The following PTK2 variants were observed in gnomAD, a reference collection of about 807,000 sequenced individuals.
The protein encoded by PTK2 is focal adhesion kinase 1.
A neutral mutation model predicts 150.1 loss-of-function variants in PTK2; 45 were observed. The ratio of observed to expected loss-of-function variants is 0.30; its 90% confidence interval spans 0.24 to 0.38. The LOEUF (loss-of-function observed/expected upper bound fraction) is 0.38. PTK2 is among the 10% of genes least tolerant of loss of function. The pLI, the probability that PTK2 is intolerant of heterozygous loss-of-function variation, is 1.00. For synonymous variants in PTK2, 432 were observed against 449.2 expected (o/e 0.96, Z 0.48); for missense variants, 919 against 1,307.3 (o/e 0.70, Z 4.58).
intron 1 of PTK2, chr8:140,934,428 A>C (rs1042267954): frequency 2.1e-5 from 3 of 144,314 alleles, no homozygotes; most frequent in Non-Finnish European, 3.1e-5. Flanking sequence ...GTCTCTAAAA[A>C]ATAAAAAAAT....
chr8:140,743,662 T>A (rs1039410088), intron 19 of PTK2, among the ~76,000 whole-genome samples: 1 of 152,162 alleles, frequency 6.6e-6, no homozygotes, highest in Non-Finnish European at 1.5e-5. Flanking sequence ...GATATACAAC[T>A]GGGGCCTATA....
rs144643548 is a variant in PTK2, at chr8:140,714,509, T to A, written c.2142+3089A>T. 8.1e-3 allele frequency among the ~76,000 whole-genome samples: 1,205 copies of A among 149,614 alleles called. 12 individuals are homozygous for A. The highest frequency in any genetic ancestry group is 0.014 in the Middle Eastern group (4 of 284). On this transcript the variant is annotated intron_variant, in intron 23 of 31. Coordinates refer to ENST00000522684, the Ensembl canonical transcript of PTK2. ...AAGAAATAAAAAAAAAAAATCTAAGTAAGACAGCCGGGCGTGGTGGTTCAC... is the reference window on the plus strand; with the variant it reads ...AAGAAATAAAAAAAAAAAATCTAAGAAAGACAGCCGGGCGTGGTGGTTCAC...
chr8:140,760,361 G>T (rs2100068710), intron 16 of PTK2, among the ~76,000 whole-genome samples: 1 of 152,028 alleles, frequency 6.6e-6, no homozygotes, highest in South Asian at 2.1e-4. Flanking sequence ...TAAACAAAAG[G>T]TGGTCTATAT....
intron 5 of PTK2, among the ~76,000 whole-genome samples, chr8:140,848,740 T>A (rs2100127220): frequency 6.6e-6 from 1 of 152,174 alleles, no homozygotes; most frequent in Non-Finnish European, 1.5e-5. Flanking sequence ...GTAGGTTTAT[T>A]ATCGAGCACA....
At chr8:140,760,682 C>G (rs2100068921) in intron 16 of PTK2, among the ~76,000 whole-genome samples, 1 of 152,152 alleles carries the variant, frequency 6.6e-6, no homozygotes, top group South Asian at 2.1e-4. Flanking sequence ...TGTGAATACA[C>G]TGAAAAGCAC....
chr8:140,791,532 C>T (rs751866771), intron 13 of PTK2, among the ~76,000 whole-genome samples: 15 of 152,152 alleles, frequency 9.9e-5, no homozygotes, highest in Non-Finnish European at 2.1e-4. Flanking sequence ...CACAGTACTG[C>T]ATATGACCCT....
chr8:140,930,432 G>T (rs535194152), intron 1 of PTK2, among the ~76,000 whole-genome samples: 1 of 152,194 alleles, frequency 6.6e-6, no homozygotes, highest in South Asian at 2.1e-4. Flanking sequence ...ATTATTTTTG[G>T]TTTTTGTAGC....
At chr8:140,681,867 G>T (rs1390412858) in intron 27 of PTK2, among the ~76,000 whole-genome samples, 1 of 152,242 alleles carries the variant, frequency 6.6e-6, no homozygotes, top group South Asian at 2.1e-4. Flanking sequence ...ACCTATTTAT[G>T]CTGGAGGTTG....
At chr8:140,875,807 T>A (rs1180560816) in intron 4 of PTK2, among the ~76,000 whole-genome samples, 1 of 152,130 alleles carries the variant, frequency 6.6e-6, no homozygotes, top group Non-Finnish European at 1.5e-5. Flanking sequence ...CCAAGGCAGG[T>A]GTAGGGAGAC....
intron 7 of PTK2, among the ~76,000 whole-genome samples, chr8:140,836,392 T>A (rs2100118669): frequency 6.6e-6 from 1 of 152,196 alleles, no homozygotes; most frequent in Non-Finnish European, 1.5e-5. Context: ...TACGTGGTGA[T>A]GAGTGATGTT....
At chr8:140,949,459 C>G (rs965061061) in intron 1 of PTK2, among the ~76,000 whole-genome samples, 8 of 152,232 alleles carry the variant, frequency 5.3e-5, no homozygotes, top group African/African-American at 1.9e-4. Flanking sequence ...CTGGGCATCC[C>G]TGCGTTCTTA....
chr8:140,750,888 G>A (rs1419220561), intron 17 of PTK2, among the ~76,000 whole-genome samples: 1 of 152,026 alleles, frequency 6.6e-6, no homozygotes, highest in African/African-American at 2.4e-5. Flanking sequence ...AATAGCCTGG[G>A]AAACAGCAAA....
At chr8:140,690,101 C>T (rs538625404) in intron 26 of PTK2, among the ~76,000 whole-genome samples, 4 of 152,200 alleles carry the variant, frequency 2.6e-5, no homozygotes, top group South Asian at 2.1e-4. Context: ...TACAGGCGTC[C>T]GCCACCACGC....
chr8:140,970,193 T>G (rs912144323), intron 1 of PTK2, among the ~76,000 whole-genome samples: 9 of 152,234 alleles, frequency 5.9e-5, no homozygotes, highest in African/African-American at 2.2e-4. Flanking sequence ...GAACAGCTGC[T>G]TCCTGGACCT....
At chr8:140,905,472 GCTAA>G (rs1263207283) in intron 2 of PTK2, among the ~76,000 whole-genome samples, 5 of 152,086 alleles carry the variant, frequency 3.3e-5, no homozygotes, top group African/African-American at 9.7e-5. Flanking sequence ...AACAAGAAGA[GCTAA>G]CTATCTTAAA....
chr8:140,852,594 T>TAA (rs1201672010), intron 5 of PTK2, among the ~76,000 whole-genome samples: 1 of 152,240 alleles, frequency 6.6e-6, no homozygotes, highest in African/African-American at 2.4e-5. Flanking sequence ...CAAAACTCAC[T>TAA]AAACTGCATA....
chr8:141,001,578 C>A (rs1366133105), upstream of PTK2, among the ~76,000 whole-genome samples: 1 of 152,146 alleles, frequency 6.6e-6, no homozygotes, highest in Non-Finnish European at 1.5e-5. Flanking sequence ...AGCGGACATC[C>A]TGGGGTCCCA....
chr8:140,968,383 CA>C (rs896030888), intron 1 of PTK2, among the ~76,000 whole-genome samples: 14 of 148,382 alleles, frequency 9.4e-5, no homozygotes, highest in South Asian at 4.2e-4. Context: ...TGATCCTGCC[CA>C]AAAAAAAAAT....
At chr8:140,731,320 C>T (rs1476619007) in intron 22 of PTK2, among the ~76,000 whole-genome samples, 5 of 152,024 alleles carry the variant, frequency 3.3e-5, no homozygotes, top group Non-Finnish European at 7.4e-5. Context: ...TCATAAAGCA[C>T]AAAAATGCTA....
Sources: allele counts gnomAD v4.1 joint callset (sites outside exome capture counted in the v4.1 genomes callset), GRCh38; gene constraint gnomAD v4.1.1; transcripts MANE v1.5; gene names NCBI Gene and HGNC (gene_info 2026-07-23, HGNC 2026-07-21).